The following PUDP variants were observed in gnomAD, a reference collection of about 807,000 sequenced individuals.
The protein encoded by PUDP is pseudouridine-5'-phosphatase.
PUDP carries 8 observed loss-of-function variants against 9.4 expected under a neutral mutation model. The ratio of observed to expected loss-of-function variants is 0.85; its 90% confidence interval spans 0.50 to 1.53. PUDP has a LOEUF of 1.53. Among genes scored for constraint, PUDP ranks in the 40% most tolerant of loss-of-function variants. PUDP has a pLI of 0.00. For synonymous variants in PUDP, 99 were observed against 80.7 expected, an observed-to-expected ratio of 1.23 and a Z score of -1.22; for missense variants, 188 against 189.7, an observed-to-expected ratio of 0.99 and a Z score of 0.05.
At chrX:6,842,763 TTAAC>T (rs1468069457) in intron 3 of PUDP, among the ~76,000 whole-genome samples, 3 of 112,273 alleles carry the variant, frequency 2.7e-5, no homozygotes, top group Non-Finnish European at 5.6e-5. Flanking sequence ...TAGCTAGTGT[TTAAC>T]TAAGCAATAT....
intron 1 of PUDP, among the ~76,000 whole-genome samples, chrX:6,721,238 G>C (rs912129126): frequency 2.6e-4 from 29 of 111,890 alleles, no homozygotes; most frequent in Admixed American, 1.9e-4. Context: ...GTTTCTGTGA[G>C]AAATCCTCCT....
At position 6,924,247 on chromosome X, in the gene PUDP, G is replaced by T. The variant is rs182348099; in HGVS notation, c.*247+52886C>A. ...CACCTGAGACAGTGAGCCCCAGAAT[G>T]ACATGCATTTTTACTTGTTTTGTTC... On this transcript the variant is annotated intron_variant and NMD_transcript_variant, in intron 3 of 3. Coordinates refer to the PUDP transcript ENST00000655425. Among the ~76,000 whole-genome samples the T allele has an allele frequency of 2.7e-5, 3 of 111,534 alleles. No homozygotes were observed. The East Asian group carries it at 8.4e-4, about 31-fold the overall frequency.
intron 3 of PUDP, among the ~76,000 whole-genome samples, chrX:6,763,940 C>A (rs961368049): frequency 2.7e-4 from 30 of 112,159 alleles, no homozygotes; most frequent in African/African-American, 9.7e-4. Context: ...CAAGAAACAA[C>A]TAAAAATTAT....
rs551895889 is a variant in PUDP, at chrX:6,773,695, T to G, written c.*248-67229A>C. Among the ~76,000 whole-genome samples the G allele has an allele frequency of 2.7e-4, 30 of 110,753 alleles. No individual in the cohort carries two copies. In the South Asian group the frequency reaches 0.011, roughly 39 times the overall value. ...GGCAGAAGCAGGTTTCCATCAGACA[T>G]GCCCACCATTGTGCCATGTCAGTTA... On this transcript the variant is annotated intron_variant and NMD_transcript_variant, in intron 3 of 3. Transcript: ENST00000655425.
chrX:6,823,929 C>A (rs190991913), intron 3 of PUDP, among the ~76,000 whole-genome samples: 18 of 112,514 alleles, frequency 1.6e-4, no homozygotes, highest in Admixed American at 2.8e-4. Context: ...ATATAATCAG[C>A]CATGAGGAGG....
intron 3 of PUDP, among the ~76,000 whole-genome samples, chrX:6,817,027 C>T (rs769945981): frequency 7.6e-5 from 6 of 78,925 alleles, no homozygotes; most frequent in Admixed American, 7.5e-4. Flanking sequence ...ATAGTATATA[C>T]TATATAGTAT....
At chrX:7,045,478 C>T, downstream of PUDP, among the ~76,000 whole-genome samples, 1 of 112,104 alleles carries the variant, frequency 8.9e-6, no homozygotes, top group Non-Finnish European at 1.9e-5. Context: ...AGCTTGCAGT[C>T]TAACTCTTTC....
chrX:6,749,253 T>C (rs971162624), intron 3 of PUDP, among the ~76,000 whole-genome samples: 4 of 112,120 alleles, frequency 3.6e-5, no homozygotes, highest in African/African-American at 9.7e-5. Flanking sequence ...GGGACTTTTA[T>C]CAGGCAGCAG....
rs148170328 is a variant in PUDP, at chrX:6,809,763, A to G, written c.*248-103297T>C. On this transcript the variant is annotated intron_variant and NMD_transcript_variant, in intron 3 of 3. Coordinates refer to the PUDP transcript ENST00000655425. ...CAAGGAAGGTAGTTCTTATAAAATA[A>G]CATGTATTCCAATATGCAAGTGATC... Among the ~76,000 whole-genome samples, 887 of 111,683 alleles carry G rather than the reference A, an allele frequency of 7.9e-3. 10 individuals carry two copies. Among genetic ancestry groups the G allele is most frequent in the African/African-American group, 0.027 (835 of 30,789 alleles).
intron 3 of PUDP, among the ~76,000 whole-genome samples, chrX:6,975,591 T>A (rs1928941319): frequency 9.0e-6 from 1 of 111,365 alleles, no homozygotes; most frequent in African/African-American, 3.3e-5. Context: ...GGAAGCTTCA[T>A]CCCAGAGGGG....
chrX:6,726,295 G>A (rs1281704320), upstream of PUDP, among the ~76,000 whole-genome samples: 1 of 111,691 alleles, frequency 9.0e-6, no homozygotes, highest in East Asian at 2.8e-4. Flanking sequence ...GGGGAGACTA[G>A]GGAGAGGTTG....
intron 1 of PUDP, among the ~76,000 whole-genome samples, chrX:7,137,923 T>C (rs1458992743): frequency 1.8e-5 from 2 of 112,231 alleles, no homozygotes; most frequent in African/African-American, 6.5e-5. Context: ...AAAAGTTCCA[T>C]GTACCACTAT....
chrX:7,125,044 T>A (rs919733201), intron 1 of PUDP, among the ~76,000 whole-genome samples: 1 of 108,873 alleles, frequency 9.2e-6, no homozygotes, highest in African/African-American at 3.4e-5. Context: ...AAAAAAAACA[T>A]AAAAATAAAC....
intron 1 of PUDP, among the ~76,000 whole-genome samples, chrX:7,009,973 G>A (rs1473985785): frequency 1.8e-5 from 2 of 111,632 alleles, no homozygotes; most frequent in Non-Finnish European, 3.8e-5. Context: ...CCAATGTTTG[G>A]AATAATGAAA....
At chrX:6,825,029 A>G (rs760218270) in intron 3 of PUDP, among the ~76,000 whole-genome samples, 6 of 111,612 alleles carry the variant, frequency 5.4e-5, no homozygotes, top group Non-Finnish European at 1.1e-4. Context: ...CACCAAGTCT[A>G]TGGGATTCTG....
At chrX:6,758,416 C>T (rs781674839) in intron 3 of PUDP, among the ~76,000 whole-genome samples, 25 of 111,539 alleles carry the variant, frequency 2.2e-4, no homozygotes, top group Non-Finnish European at 4.0e-4. Context: ...TGAGCTGTGA[C>T]GGCGTCACTG....
intron 2 of PUDP, among the ~76,000 whole-genome samples, chrX:7,100,863 T>C (rs1931709675): frequency 8.9e-6 from 1 of 112,273 alleles, no homozygotes; most frequent in Admixed American, 9.4e-5. Flanking sequence ...GGCCTGTCTT[T>C]CTGCTCTATA....
chrX:6,924,521 A>G (rs1011467125), intron 3 of PUDP, among the ~76,000 whole-genome samples: 11 of 112,122 alleles, frequency 9.8e-5, no homozygotes. Flanking sequence ...CTTGGGGATG[A>G]GGCCTTGAGT....
At chrX:6,751,696 C>T (rs5948750) in intron 3 of PUDP, among the ~76,000 whole-genome samples, 38,725 of 110,225 alleles carry the variant, frequency 0.35, 5,219 homozygotes, top group African/African-American at 0.49. Context: ...TTATCGGCCA[C>T]GCTTAGGTAA....
Sources: gnomAD v4.1 joint callset for allele counts (sites outside exome capture counted in the v4.1 genomes callset) on GRCh38, gnomAD v4.1.1 for gene constraint, MANE v1.5 for transcripts, NCBI Gene and HGNC (gene_info 2026-07-23, HGNC 2026-07-21) for gene names.